The following TMEM217B variants were observed in gnomAD, a reference collection of about 807,000 sequenced individuals.
The protein encoded by TMEM217B is putative transmembrane protein 217B.
chr6:37,233,822 G>A, the TMEM217B span, among the ~76,000 whole-genome samples: 4 of 152,056 alleles, frequency 2.6e-5, no homozygotes, highest in Non-Finnish European at 1.5e-5. Flanking sequence ...AACTTAAGTC[G>A]ATGGTTCGAC....
chr6:37,223,326 T>A, the TMEM217B span, among the ~76,000 whole-genome samples: 1 of 152,084 alleles, frequency 6.6e-6, no homozygotes, highest in African/African-American at 2.4e-5. Context: ...GTACTCAAAC[T>A]ATGGAACACC....
the TMEM217B span, among the ~76,000 whole-genome samples, chr6:37,217,345 G>A: frequency 6.6e-6 from 1 of 152,198 alleles, no homozygotes; most frequent in Non-Finnish European, 1.5e-5. Context: ...GCAAAGTGAT[G>A]TCTGTTTATT....
At chr6:37,221,384 G>A in the TMEM217B span, among the ~76,000 whole-genome samples, 2 of 151,852 alleles carry the variant, frequency 1.3e-5, no homozygotes, top group Non-Finnish European at 2.9e-5. Context: ...ACGGGGTTTC[G>A]CCATGTTGGT....
the TMEM217B span, among the ~76,000 whole-genome samples, chr6:37,236,195 C>G: frequency 6.6e-6 from 1 of 152,040 alleles, no homozygotes; most frequent in African/African-American, 2.4e-5. Flanking sequence ...CTATGTTGCC[C>G]AGGCTGGTCT....
chr6:37,238,155 A>G, the TMEM217B span, among the ~76,000 whole-genome samples: 1 of 99,836 alleles, frequency 1.0e-5, no homozygotes, highest in Non-Finnish European at 2.1e-5. Context: ...ATAAAGTAGA[A>G]TTAAAAACAC....
At chr6:37,246,731 T>C in the TMEM217B span, among the ~76,000 whole-genome samples, 4 of 152,068 alleles carry the variant, frequency 2.6e-5, no homozygotes, top group African/African-American at 9.7e-5. Context: ...AGTGAGACCC[T>C]ATCTCTACAA....
the TMEM217B span, chr6:37,217,590 C>T: frequency 2.0e-6 from 2 of 975,866 alleles, no homozygotes; most frequent in Admixed American, 6.2e-5. Context: ...GCCTTTCACA[C>T]TCCTTGACAA....
the TMEM217B span, chr6:37,219,099 C>A: frequency 6.8e-7 from 1 of 1,473,154 alleles, no homozygotes; most frequent in Non-Finnish European, 9.2e-7. Flanking sequence ...GGTAAATTAC[C>A]AGGGTTTCTG....
chr6:37,221,029 T>C, the TMEM217B span, among the ~76,000 whole-genome samples: 4 of 152,142 alleles, frequency 2.6e-5, no homozygotes, highest in African/African-American at 9.7e-5. Context: ...TTCATTTTGT[T>C]GTACAAACAA....
At chr6:37,251,360 C>G in the TMEM217B span, among the ~76,000 whole-genome samples, 2 of 129,740 alleles carry the variant, frequency 1.5e-5, no homozygotes, top group African/African-American at 5.8e-5. Context: ...AGTTGAGAAA[C>G]TATAATTTGA....
the TMEM217B span, among the ~76,000 whole-genome samples, chr6:37,237,726 A>ATGGTATGTT: frequency 6.6e-6 from 1 of 152,232 alleles, no homozygotes; most frequent in Non-Finnish European, 1.5e-5. Context: ...AACATACAAC[A>ATGGTATGTT]ATATGGTAGA....
chr6:37,251,217 A>G, the TMEM217B span, among the ~76,000 whole-genome samples: 1 of 152,236 alleles, frequency 6.6e-6, no homozygotes, highest in African/African-American at 2.4e-5. Context: ...CAGACAGGTA[A>G]TGTGCCGACA....
At chr6:37,246,480 T>C in the TMEM217B span, among the ~76,000 whole-genome samples, 2 of 152,190 alleles carry the variant, frequency 1.3e-5, no homozygotes, top group East Asian at 1.9e-4. Context: ...CAGGGAAATA[T>C]ACTCCATCTA....
chr6:37,256,455 A>G, the TMEM217B span, among the ~76,000 whole-genome samples: 139,151 of 152,214 alleles, frequency 0.91, 63,734 homozygotes, highest in African/African-American at 0.98. Context: ...GAGAAAGGCA[A>G]GTAAAATAAT....
the TMEM217B span, among the ~76,000 whole-genome samples, chr6:37,216,566 C>T: frequency 6.6e-6 from 1 of 152,044 alleles, no homozygotes; most frequent in African/African-American, 2.4e-5. Flanking sequence ...GGGATGAGCA[C>T]CTGGATGGAG....
the TMEM217B span, among the ~76,000 whole-genome samples, chr6:37,251,833 T>C: frequency 6.6e-6 from 1 of 152,220 alleles, no homozygotes; most frequent in Non-Finnish European, 1.5e-5. Flanking sequence ...AAATTACCAA[T>C]GATGGGCCAA....
At chr6:37,215,994 G>GGGGT in the TMEM217B span, among the ~76,000 whole-genome samples, 3 of 149,082 alleles carry the variant, frequency 2.0e-5, no homozygotes, top group Non-Finnish European at 3.0e-5. Flanking sequence ...GGTTCTTCAG[G>GGGGT]GTGTGTGTGT....
the TMEM217B span, among the ~76,000 whole-genome samples, chr6:37,252,578 C>T: frequency 1.0e-4 from 9 of 89,170 alleles, no homozygotes; most frequent in African/African-American, 2.5e-4. Flanking sequence ...TGTGTGTGCA[C>T]GTGTACGTGT....
At chr6:37,256,676 G>A in the TMEM217B span, among the ~76,000 whole-genome samples, 2 of 151,010 alleles carry the variant, frequency 1.3e-5, no homozygotes, top group Non-Finnish European at 2.9e-5. Flanking sequence ...TCTTTGGCTG[G>A]GGCCAGGGGT....
Sources: allele counts gnomAD v4.1 joint callset (sites outside exome capture counted in the v4.1 genomes callset), GRCh38; gene constraint gnomAD v4.1.1; transcripts MANE v1.5; gene names NCBI Gene and HGNC (gene_info 2026-07-23, HGNC 2026-07-21).